Variants in GPLD1 observed in about 807,000 individuals in gnomAD.
GPLD1 encodes the protein phosphatidylinositol-glycan-specific phospholipase D.
Under a neutral mutation model 112.6 loss-of-function variants are expected in GPLD1, and 84 were observed. That is an observed-to-expected ratio of 0.75 (90% confidence interval 0.63 to 0.89). The LOEUF is 0.89. Among genes scored for constraint, GPLD1 ranks in the 40% least tolerant of loss-of-function variants. GPLD1 has a pLI of 0.00. For synonymous variants in GPLD1, 386 were observed against 403.8 expected, an observed-to-expected ratio of 0.96 and a Z score of 0.53; for missense variants, 1,044 against 1,051.5, an observed-to-expected ratio of 0.99 and a Z score of 0.10.
intron 7 of GPLD1, 103 bp downstream of exon 7, chr6:24,472,479 C>A: frequency 1.4e-6 from 1 of 703,156 alleles, no homozygotes; most frequent in Non-Finnish European, 2.5e-6. Context: ...TTTACCAGTG[C>A]AGAAGACTTC....
At chr6:24,475,505 A>C (rs966655385) in intron 4 of GPLD1, among the ~76,000 whole-genome samples, 1 of 147,388 alleles carries the variant, frequency 6.8e-6, no homozygotes, top group Non-Finnish European at 1.5e-5. Context: ...GCACCACTGC[A>C]CTCCAGCCTG....
At chr6:24,459,933 C>T (rs114397978) in intron 12 of GPLD1, among the ~76,000 whole-genome samples, 2,323 of 152,270 alleles carry the variant, frequency 0.015, 31 homozygotes, top group South Asian at 0.05. Flanking sequence ...CTGGCACATG[C>T]TTAGACCCAG....
At chr6:24,430,827 T>C (rs1419657373) in intron 24 of GPLD1, among the ~76,000 whole-genome samples, 1 of 152,136 alleles carries the variant, frequency 6.6e-6, no homozygotes, top group African/African-American at 2.4e-5. Context: ...AGCTCAGGTA[T>C]GTGCTGGAAA....
At position 24,482,630 on chromosome 6, in the gene GPLD1, T is replaced by C. The variant is rs1457772646; in HGVS notation, c.154-2671A>G. 7.2e-5 allele frequency among the ~76,000 whole-genome samples: 11 copies of C among 152,202 alleles called. No individual in the cohort carries two copies. The East Asian group carries it at 2.1e-3, about 29-fold the overall frequency. The stretch of plus-strand genomic sequence containing the variant: ...CAAGGTTTTGCCATGTTGGCCAGGC[T>C]GGTCTTGAACTCCCGACCTCAGGTG... On this transcript the variant is annotated intron_variant, in intron 2 of 24. Transcript: ENST00000230036.
rs1763190275 is a variant in GPLD1 at position 24,454,177 on chromosome 6, G to A, written c.1173C>T (p.Asn391=). Residue 391 remains asparagine, a synonymous_variant, in exon 14 of 25, where the codon AAC becomes AAT. Transcript: ENST00000230036. ...CCACGAGGTCACCGTGCCCATCCTGGTTGAGGTCAGCTGAGGTCATTGCCC... is the reference window on the plus strand; with the variant it reads ...CCACGAGGTCACCGTGCCCATCCTGATTGAGGTCAGCTGAGGTCATTGCCC... ...LGWAMTSADL[N]QDGHGDLVVG... The A allele has an allele frequency of 1.9e-6, 3 of 1,613,208 alleles. No individual in the cohort carries two copies. The highest frequency in any genetic ancestry group is 2.2e-5 in the East Asian group (1 of 44,840).
At chr6:24,462,294 G>T (rs772122146) in intron 11 of GPLD1, among the ~76,000 whole-genome samples, 2 of 151,778 alleles carry the variant, frequency 1.3e-5, no homozygotes, top group Non-Finnish European at 2.9e-5. Flanking sequence ...CACCATACCT[G>T]GCTAATTTTG....
At position 24,477,020 on chromosome 6, in the gene GPLD1, G is replaced by T. The variant is rs7751367; in HGVS notation, c.233-742C>A. Among the ~76,000 whole-genome samples the T allele has an allele frequency of 5.7e-3, 854 of 151,114 alleles. 8 individuals carry two copies. The highest frequency in any genetic ancestry group is 0.018 in the African/African-American group (725 of 41,124). ...TTGCCGAACCAGTTTTAAATCATTG[G>T]TTTTTTTTCAAAATGATTTTCAAAG... On this transcript the variant is annotated intron_variant, in intron 3 of 24. Transcript: ENST00000230036.
chr6:24,472,215 A>T (rs1159866646), intron 7 of GPLD1, among the ~76,000 whole-genome samples: 2 of 152,248 alleles, frequency 1.3e-5, no homozygotes, highest in Non-Finnish European at 2.9e-5. Flanking sequence ...GCAATCTGGG[A>T]AATTCAAACT....
intron 14 of GPLD1, among the ~76,000 whole-genome samples, chr6:24,452,578 C>G (rs111398023): frequency 1.1e-4 from 16 of 152,084 alleles, no homozygotes; most frequent in African/African-American, 3.6e-4. Flanking sequence ...GAGTTCAAGA[C>G]CAGCCTTACC....
chr6:24,491,789 T>C (rs1168912234), upstream of GPLD1, among the ~76,000 whole-genome samples: 2 of 152,202 alleles, frequency 1.3e-5, no homozygotes, highest in Non-Finnish European at 2.9e-5. Context: ...TATTTGAGAT[T>C]CAGAATGACA....
chr6:24,437,073 G>A (rs775405560), intron 21 of GPLD1, 40 bp downstream of exon 21: 8 of 1,581,224 alleles, frequency 5.1e-6, no homozygotes, highest in Non-Finnish European at 6.1e-6. Context: ...CCTGGGCAAA[G>A]GGACTCAATT....
chr6:24,482,463 TAG>T (rs1224279288), intron 2 of GPLD1, among the ~76,000 whole-genome samples: 2 of 152,124 alleles, frequency 1.3e-5, no homozygotes, highest in Non-Finnish European at 2.9e-5. Flanking sequence ...GTATTTTTAG[TAG>T]AGACAGGGTT....
intron 20 of GPLD1, 128 bp downstream of exon 20, chr6:24,445,418 T>C: frequency 1.5e-6 from 1 of 645,292 alleles, no homozygotes; most frequent in Non-Finnish European, 2.8e-6. Flanking sequence ...CAGAATGTTA[T>C]TAATGAAAAA....
At chr6:24,479,747 C>G (rs1764138937) in intron 3 of GPLD1, 134 bp downstream of exon 3, 1 of 536,676 alleles carries the variant, frequency 1.9e-6, no homozygotes, top group African/African-American at 1.9e-5. Flanking sequence ...ACAAATTGTT[C>G]TCAACAATAA....
intron 8 of GPLD1, 99 bp downstream of exon 8, chr6:24,467,068 A>AT: frequency 9.0e-7 from 1 of 1,108,102 alleles, no homozygotes; most frequent in East Asian, 2.4e-5. Context: ...AGCAGAATCC[A>AT]TAAATCCAAA....
chr6:24,475,593 C>T (rs1561853483), intron 4 of GPLD1, among the ~76,000 whole-genome samples: 4 of 150,148 alleles, frequency 2.7e-5, no homozygotes, highest in African/African-American at 9.8e-5. Context: ...CCCTGTAATC[C>T]CAGCACTTTG....
chr6:24,476,967 T>C (rs1764039662), intron 3 of GPLD1, among the ~76,000 whole-genome samples: 1 of 152,046 alleles, frequency 6.6e-6, no homozygotes. Flanking sequence ...CTCAGTTCAA[T>C]TTTTCTATGC....
chr6:24,458,487 AT>A, intron 12 of GPLD1, among the ~76,000 whole-genome samples: 1 of 149,922 alleles, frequency 6.7e-6, no homozygotes, highest in East Asian at 2.0e-4. Context: ...GCAAGACAAA[AT>A]GACATGTGCT....
chr6:24,465,613 T>G (rs570861289), intron 10 of GPLD1, among the ~76,000 whole-genome samples: 1 of 152,182 alleles, frequency 6.6e-6, no homozygotes, highest in East Asian at 1.9e-4. Context: ...CAGAAGGGCC[T>G]TGGCTCCCTC....
Sources: allele counts gnomAD v4.1 joint callset (sites outside exome capture counted in the v4.1 genomes callset), GRCh38; gene constraint gnomAD v4.1.1; transcripts MANE v1.5; gene names NCBI Gene and HGNC (gene_info 2026-07-23, HGNC 2026-07-21).